Variants in SMARCA4 observed in about 807,000 individuals in gnomAD.
The protein encoded by SMARCA4 is SWI/SNF related BAF chromatin remodeling complex subunit ATPase 4.
SMARCA4 carries 31 observed loss-of-function variants against 193.9 expected under a neutral mutation model. That is an observed-to-expected ratio of 0.16 (90% CI 0.12 to 0.22). The LOEUF (loss-of-function observed/expected upper bound fraction) is 0.22. SMARCA4 is among the 10% of genes least tolerant of loss of function. The probability of loss-of-function intolerance (pLI) is 1.00; values close to 1 mark genes in which losing one functional copy is unlikely to be tolerated. For missense variants in SMARCA4, 1,148 were observed against 2,296.0 expected (o/e 0.50, Z 10.22); for synonymous variants, 942 against 933.1 (o/e 1.01, Z -0.17).
chr19:11,059,998 T>C (rs201110687), intron 33 of SMARCA4, 47 bp from the exon 34 acceptor site: 4 of 1,606,296 alleles, frequency 2.5e-6, no homozygotes, highest in Non-Finnish European at 3.4e-6. Flanking sequence ...GTGGGGGTGC[T>C]GCATTCCCAG....
intron 8 of SMARCA4, 92 bp downstream of exon 8, chr19:10,991,415 C>G: frequency 6.5e-7 from 1 of 1,533,046 alleles, no homozygotes; most frequent in Non-Finnish European, 8.8e-7. Context: ...TGCTTTGTTC[C>G]TAAACATGCT....
At chr19:10,975,062 G>A (rs999363577) in intron 1 of SMARCA4, among the ~76,000 whole-genome samples, 1 of 141,448 alleles carries the variant, frequency 7.1e-6, no homozygotes, top group African/African-American at 2.7e-5. Context: ...CTGTCGCTCA[G>A]GATGGAGTGC....
At chr19:10,969,460 G>T (rs2084504149) in intron 1 of SMARCA4, among the ~76,000 whole-genome samples, 1 of 150,960 alleles carries the variant, frequency 6.6e-6, no homozygotes, top group Admixed American at 6.6e-5. Flanking sequence ...GACAGAGTTT[G>T]TCTCTTGTTG....
intron 19 of SMARCA4, among the ~76,000 whole-genome samples, chr19:11,022,596 A>G (rs17001095): frequency 0.34 from 50,971 of 152,032 alleles, 8,795 homozygotes; most frequent in South Asian, 0.49. Context: ...GGTTTAAGTA[A>G]CCAGATGCTG....
chr19:10,985,537 C>G lies in SMARCA4; in HGVS notation c.355+132C>G, dbSNP rs2085951241. On this transcript the variant is annotated intron_variant, in intron 3 of 34. Coordinates refer to ENST00000344626, the MANE Select transcript of SMARCA4 (RefSeq NM_003072.5). This position sits in a 1 kb window ranked among gnomAD's most constrained non-coding sequence, Gnocchi z 4.5. ...TGATGTAGCCGGGTGGGTGGCCCGCCACAGAGAGCTGTCTGGCATGGCGTG... is the reference window on the plus strand; with the variant it reads ...TGATGTAGCCGGGTGGGTGGCCCGCGACAGAGAGCTGTCTGGCATGGCGTG... The G allele has an allele frequency of 2.7e-6, 3 of 1,107,086 alleles. No individual in the cohort carries two copies. Among genetic ancestry groups the G allele is most frequent in the Non-Finnish European group, 2.6e-6 (2 of 756,492 alleles). 68.6% of individuals were successfully genotyped at this position (1,107,086 alleles called of 1,614,324 possible).
chr19:11,061,205 ATATATATATAT>A lies in SMARCA4; in HGVS notation c.4912-578_4912-568del, dbSNP rs1289183213. ...CCTGTCTTTAAAAAAAAAAAAAAAA[ATATATATATAT>A]ATATATATATATATATATATATATA... On this transcript the variant is annotated intron_variant, in intron 34 of 34. Coordinates refer to ENST00000344626, the MANE Select transcript of SMARCA4 (RefSeq NM_003072.5). Among the ~76,000 whole-genome samples the A allele has an allele frequency of 1.5e-3, 59 of 38,508 alleles. 1 individual carries two copies. The highest frequency in any genetic ancestry group is 2.5e-3 in the African/African-American group (16 of 6,312). 25.3% of individuals were successfully genotyped at this position (38,508 alleles called of 152,430 possible).
In SMARCA4 at chr19:10,992,709, C is replaced by T. The variant is rs1009021025; in HGVS notation, c.1419+1386C>T. On this transcript the variant is annotated intron_variant, in intron 8 of 34. Coordinates refer to ENST00000344626, the MANE Select transcript of SMARCA4 (RefSeq NM_003072.5). ...GTTCAAGCGATTTTCCTGCCTCAGC[C>T]TCCCAAGTAGCTGGGACTACAGGCA... Among the ~76,000 whole-genome samples the T allele has an allele frequency of 3.3e-5, 5 of 151,914 alleles. No individual in the cohort carries two copies. In the South Asian group the frequency reaches 8.3e-4, roughly 25 times the overall value.
intron 21 of SMARCA4, 40 bp downstream of exon 21, chr19:11,024,478 G>T (rs2090107436): frequency 7.5e-7 from 1 of 1,324,626 alleles, no homozygotes; most frequent in Non-Finnish European, 1.1e-6. Flanking sequence ...CCCACTGGGT[G>T]TCCAAGGCCG....
At chr19:10,964,414 G>A (rs899077605) in intron 1 of SMARCA4, among the ~76,000 whole-genome samples, 1 of 151,796 alleles carries the variant, frequency 6.6e-6, no homozygotes. Flanking sequence ...GGGTTCAAGC[G>A]ATTCTTCTGA....
rs1195074995 is a variant in SMARCA4, at chr19:10,987,724, G to A, written c.918G>A (p.Gln306=). The A allele has an allele frequency of 6.2e-7, 1 of 1,609,500 alleles. No individual in the cohort carries two copies. Among genetic ancestry groups the A allele is most frequent in the Non-Finnish European group, 8.5e-7 (1 of 1,177,896 alleles). The change falls in exon 6 of 35, where the codon CAG becomes CAA. Residue 306 remains glutamine, a synonymous_variant. Transcript: ENST00000344626. This position sits in a 1 kb window ranked among gnomAD's most constrained non-coding sequence, Gnocchi z 5.3. ...CCCCTCAGAAGCTGATTCCCCCGCA[G>A]CCAACGGGCCGCCCTTCCCCCGCGC... is the stretch of plus-strand genomic sequence containing the variant. The part of the protein sequence containing the change: ...TSTPQKLIPP[Q]PTGRPSPAPP...
rs2075052075 is a variant in SMARCA4, at chr19:11,033,251, C to T, written c.3547-39C>T. On this transcript the variant is annotated intron_variant, in intron 25 of 34. Coordinates refer to ENST00000344626, the MANE Select transcript of SMARCA4 (RefSeq NM_003072.5). The surrounding 1 kb of genome is among the most constrained non-coding windows in gnomAD (Gnocchi z 9.8). ...AGGCCACCTTCCCTTTTATGACCTC[C>T]TGGGCTCCTTTGGGACTGACTGGCA... The T allele has an allele frequency of 2.6e-6, 4 of 1,525,304 alleles. No homozygotes were observed. The highest frequency in any genetic ancestry group is 3.6e-6 in the Non-Finnish European group (4 of 1,100,636). The allele number at this position is 1,525,304 out of a possible 1,614,324, so 94.5% of individuals were successfully genotyped here.
chr19:10,971,441 C>T (rs577360247), intron 1 of SMARCA4, among the ~76,000 whole-genome samples: 16 of 152,190 alleles, frequency 1.1e-4, no homozygotes, highest in Admixed American at 9.2e-4. Flanking sequence ...CCCTGCGAAC[C>T]CTGCTTGATT....
chr19:11,008,184 G>A lies in SMARCA4; in HGVS notation c.2123+161G>A, dbSNP rs1009620941. The A allele has an allele frequency of 1.4e-5, 10 of 694,946 alleles. No individual in the cohort carries two copies. The East Asian group carries it at 2.4e-4, about 17-fold the overall frequency. The allele number at this position is 694,946 out of a possible 1,614,324, so 43.0% of individuals were successfully genotyped here. A position where few individuals can be genotyped will look rare whatever the true frequency, so the allele number is the denominator to read the frequency against. On this transcript the variant is annotated intron_variant, in intron 14 of 34. Transcript: ENST00000344626. The stretch of plus-strand genomic sequence containing the variant: ...CAAATTTATTTACTTCACATTTCAT[G>A]TATTTTATAGGGATTTAATAGAGCA...
chr19:11,057,298 A>T (rs975209934), intron 30 of SMARCA4, among the ~76,000 whole-genome samples: 4 of 152,204 alleles, frequency 2.6e-5, no homozygotes, highest in African/African-American at 9.6e-5. Flanking sequence ...AGCCAGGCTC[A>T]GGTATGGGTA....
chr19:11,045,408 TGA>T (rs1224387133), intron 30 of SMARCA4, among the ~76,000 whole-genome samples: 4 of 152,034 alleles, frequency 2.6e-5, no homozygotes, highest in African/African-American at 7.2e-5. Flanking sequence ...GTGCTTACCT[TGA>T]GAGAGGGAAT....
intron 16 of SMARCA4, among the ~76,000 whole-genome samples, chr19:11,016,624 T>A (rs1251355450): frequency 6.6e-6 from 1 of 152,316 alleles, no homozygotes; most frequent in South Asian, 2.1e-4. Context: ...GAATTCTCCC[T>A]GGAAGAATTG....
intron 15 of SMARCA4, 101 bp from the exon 16 acceptor site, chr19:11,012,848 C>A: frequency 9.2e-7 from 1 of 1,083,404 alleles, no homozygotes; most frequent in Non-Finnish European, 1.4e-6. Flanking sequence ...GTGGCTTAGG[C>A]AGAACTCGTG....
At chr19:11,003,796 C>T (rs2087893699) in intron 13 of SMARCA4, among the ~76,000 whole-genome samples, 1 of 151,388 alleles carries the variant, frequency 6.6e-6, no homozygotes, top group Non-Finnish European at 1.5e-5. Context: ...ATTGCAACCT[C>T]CACCTCCCGG....
Position 10,985,534 on chromosome 19 carries a change from C to T in SMARCA4, c.355+129C>T, listed in dbSNP as rs918577444. On this transcript the variant is annotated intron_variant, in intron 3 of 34. Coordinates refer to ENST00000344626, the MANE Select transcript of SMARCA4 (RefSeq NM_003072.5). The surrounding 1 kb of genome is among the most constrained non-coding windows in gnomAD (Gnocchi z 4.5). ...GGATGATGTAGCCGGGTGGGTGGCC[C>T]GCCACAGAGAGCTGTCTGGCATGGC... 1.3e-5 allele frequency: 15 copies of T among 1,150,798 alleles called. No individual in the cohort carries two copies. The highest frequency in any genetic ancestry group is 1.3e-4 in the East Asian group (5 of 39,084). 71.3% of individuals were successfully genotyped at this position (1,150,798 alleles called of 1,614,324 possible).
Sources: allele counts gnomAD v4.1 joint callset (sites outside exome capture counted in the v4.1 genomes callset), GRCh38; gene constraint gnomAD v4.1.1; non-coding constraint Gnocchi (gnomAD v3.1); transcripts MANE v1.5; gene names NCBI Gene and HGNC (gene_info 2026-07-23, HGNC 2026-07-21).